Variants in SLC22A5 observed in about 807,000 individuals in gnomAD.
SLC22A5 encodes organic cation/carnitine transporter 2.
SLC22A5 carries 44 observed loss-of-function variants against 56.7 expected under a neutral mutation model. The observed-to-expected ratio is 0.78, with a 90% confidence interval of 0.61 to 1.00. The LOEUF is 1.00. Among genes scored for constraint, SLC22A5 ranks in the 50% least tolerant of loss-of-function variants. SLC22A5 has a pLI of 0.00. For missense variants in SLC22A5, 675 were observed against 723.0 expected (o/e 0.93, Z 0.76); for synonymous variants, 278 against 292.1 (o/e 0.95, Z 0.49).
Position 132,370,063 on chromosome 5 carries a change from C to T in SLC22A5, c.91C>T (p.Pro31Ser). The change falls in exon 1 of 10, where the codon CCC (proline) becomes TCC (serine). Residue 31 changes from proline to serine, a missense_variant. Coordinates refer to ENST00000245407, the MANE Select transcript of SLC22A5 (RefSeq NM_003060.4). ...CTTCCTGCTCAGCGCCAGCATCATC[C>T]CCAATGGCTTCACCGGCCTGTCCTC... is the stretch of plus-strand genomic sequence containing the variant. ...IFFLLSASII[P>S]NGFTGLSSVF... 1.2e-6 allele frequency: 2 copies of T among 1,613,322 alleles called. No homozygotes were observed. Among genetic ancestry groups the T allele is most frequent in the Non-Finnish European group, 1.7e-6 (2 of 1,179,736 alleles).
intron 5 of SLC22A5, 152 bp downstream of exon 5, chr5:132,387,303 A>G (rs1437577932): frequency 4.3e-6 from 3 of 698,252 alleles, no homozygotes; most frequent in African/African-American, 3.4e-5. Flanking sequence ...CCCACTCCCC[A>G]CCCCCACACG....
intron 5 of SLC22A5, among the ~76,000 whole-genome samples, chr5:132,388,632 G>A (rs1382703027): frequency 1.3e-5 from 2 of 152,122 alleles, no homozygotes; most frequent in African/African-American, 4.8e-5. Context: ...AGGAATATGT[G>A]GGGGTGCAGT....
chr5:132,384,423 C>T lies in SLC22A5; in HGVS notation c.652+122C>T, dbSNP rs979159166. The T allele has an allele frequency of 5.9e-5, 62 of 1,056,196 alleles. No individual in the cohort carries two copies. The Admixed American group carries it at 1.1e-3, about 19-fold the overall frequency. 65.4% of individuals were successfully genotyped at this position (1,056,196 alleles called of 1,614,324 possible). ...GGACAGGGTTTCTAACAAAACTAGC[C>T]AGAGCTTCCTGGTGAACCTTACTTA... is the stretch of plus-strand genomic sequence containing the variant. On this transcript the variant is annotated intron_variant, in intron 3 of 9. Coordinates refer to ENST00000245407, the MANE Select transcript of SLC22A5 (RefSeq NM_003060.4).
At chr5:132,375,645 G>A (rs1752116465) in intron 1 of SLC22A5, among the ~76,000 whole-genome samples, 1 of 152,198 alleles carries the variant, frequency 6.6e-6, no homozygotes, top group Non-Finnish European at 1.5e-5. Flanking sequence ...TTATTAAGGT[G>A]TAAATGACAT....
At chr5:132,370,418 G>C in intron 1 of SLC22A5, 53 bp downstream of exon 1, 1 of 1,587,882 alleles carries the variant, frequency 6.3e-7, no homozygotes, top group Non-Finnish European at 8.6e-7. Flanking sequence ...GACCTGTCGC[G>C]GTCCTTGAAC....
intron 4 of SLC22A5, among the ~76,000 whole-genome samples, chr5:132,386,288 C>A (rs988805567): frequency 1.3e-5 from 2 of 149,258 alleles, no homozygotes; most frequent in African/African-American, 5.0e-5. Flanking sequence ...AGTGCAGTGG[C>A]GTGATTTCCA....
rs1181509092 is a variant in SLC22A5, at chr5:132,394,345, C to T, written c.*73C>T. The T allele has an allele frequency of 8.2e-6, 9 of 1,096,610 alleles. No individual in the cohort carries two copies. Among genetic ancestry groups the T allele is most frequent in the South Asian group, 2.5e-5 (2 of 79,508 alleles). 67.9% of individuals were successfully genotyped at this position (1,096,610 alleles called of 1,614,324 possible). ...AGAAATGGCCAGCTTGTGCAGACTC[C>T]GAGTCCTTCAGTGACAAAAGGCCTT... On this transcript the variant is annotated 3_prime_UTR_variant, in exon 10 of 10. Transcript: ENST00000245407.
chr5:132,374,646 A>G (rs1011421086), intron 1 of SLC22A5, among the ~76,000 whole-genome samples: 15 of 152,132 alleles, frequency 9.9e-5, no homozygotes, highest in Non-Finnish European at 1.8e-4. Flanking sequence ...GCACGTACAT[A>G]GTAGACACAT....
At chr5:132,372,695 A>C (rs1751976261) in intron 1 of SLC22A5, among the ~76,000 whole-genome samples, 1 of 152,150 alleles carries the variant, frequency 6.6e-6, no homozygotes, top group South Asian at 2.1e-4. Flanking sequence ...TAATGCTTAG[A>C]TCTTTGTTTT....
intron 2 of SLC22A5, 63 bp from the exon 3 acceptor site, chr5:132,384,084 G>T: frequency 1.3e-6 from 2 of 1,534,114 alleles, no homozygotes; most frequent in African/African-American, 1.4e-5. Flanking sequence ...AGCCCCACTT[G>T]GTGGAGCCCA....
chr5:132,393,836 T>C lies in SLC22A5; in HGVS notation c.1586+25T>C, dbSNP rs755184313. ...GGTAAGAAGACCTCCTCTGTCAGTGTTGATGCACTGGGTCTGGGTCTGGCC... is the reference window on the plus strand; with the variant it reads ...GGTAAGAAGACCTCCTCTGTCAGTGCTGATGCACTGGGTCTGGGTCTGGCC... On this transcript the variant is annotated intron_variant, in intron 9 of 9. Transcript: ENST00000245407. The C allele has an allele frequency of 1.2e-5, 19 of 1,613,770 alleles. No homozygotes were observed. In the South Asian group the frequency reaches 2.1e-4, roughly 18 times the overall value.
chr5:132,393,163 G>A (rs1752766798), intron 8 of SLC22A5, among the ~76,000 whole-genome samples: 1 of 151,976 alleles, frequency 6.6e-6, no homozygotes. Flanking sequence ...CACATCCCTA[G>A]CCAGTACCTC....
At position 132,392,550 on chromosome 5, in the gene SLC22A5, G is replaced by A. The variant is rs2126791535; in HGVS notation, c.1385G>A (p.Gly462Asp). The A allele has an allele frequency of 6.2e-7, 1 of 1,614,182 alleles. No homozygotes were observed. Among genetic ancestry groups the A allele is most frequent in the Non-Finnish European group, 8.5e-7 (1 of 1,180,002 alleles). Residue 462 changes from glycine to aspartate, a missense_variant, in exon 8 of 10, where the codon GGT becomes GAT. Transcript: ENST00000245407. ...ELYPTVVRNM[G>D]VGVSSTASRL... is the part of the protein sequence containing the mutation. ...TATCCCACAGTGGTGAGAAACATGG[G>A]TGTGGGAGTCAGCTCCACAGCATCC...
chr5:132,389,153 G>C, intron 6 of SLC22A5, 132 bp downstream of exon 6: 1 of 689,042 alleles, frequency 1.5e-6, no homozygotes, highest in Non-Finnish European at 2.7e-6. Flanking sequence ...GATATGTCTT[G>C]TGTTAGATGG....
Position 132,387,069 on chromosome 5 carries a change from T to G in SLC22A5, c.869T>G (p.Phe290Cys), listed in dbSNP as rs1050403148. ...CGATGGCTCATCTCTCAGGGACGAT[T>G]TGAAGAGGCAGAGGTGATCATCCGC... ...SPRWLISQGR[F>C]EEAEVIIRKA... Residue 290 changes from phenylalanine to cysteine, a missense_variant, in exon 5 of 10, where the codon TTT becomes TGT. Phe to Cys is a radical substitution (Grantham distance 205). Transcript: ENST00000245407. 9 of 1,614,014 alleles carry G rather than the reference T, an allele frequency of 5.6e-6. No homozygotes were observed. Among genetic ancestry groups the G allele is most frequent in the Non-Finnish European group, 6.8e-6 (8 of 1,179,994 alleles).
rs769158441 is a variant in SLC22A5, at chr5:132,389,006, T to C, written c.1037T>C (p.Met346Thr). ...RTWNIRMVTIMSIMLWMTISV... is the reference protein window; with the variant it reads ...RTWNIRMVTITSIMLWMTISV... The stretch of plus-strand genomic sequence containing the variant: ...TGGAATATCCGGATGGTCACCATCA[T>C]GTCCATAATGCTGTGGTATGTAAAA... The change falls in exon 6 of 10, where the codon ATG becomes ACG. Residue 346 changes from methionine to threonine, a missense_variant. Coordinates refer to ENST00000245407, the MANE Select transcript of SLC22A5 (RefSeq NM_003060.4). 5.6e-6 allele frequency: 9 copies of C among 1,611,650 alleles called. No individual in the cohort carries two copies. The South Asian group carries it at 9.9e-5, about 18-fold the overall frequency.
chr5:132,371,000 G>A (rs1039421029), intron 1 of SLC22A5, among the ~76,000 whole-genome samples: 1 of 142,994 alleles, frequency 7.0e-6, no homozygotes. Context: ...AGGCTGGAGC[G>A]CAGTCGTGTG....
intron 1 of SLC22A5, chr5:132,378,131 C>T (rs915651898): frequency 6.4e-7 from 1 of 1,555,492 alleles, no homozygotes; most frequent in Admixed American, 2.0e-5. Flanking sequence ...AGAACACTTA[C>T]TCTCTGCCTG....
chr5:132,372,374 G>A (rs1467512933), intron 1 of SLC22A5, among the ~76,000 whole-genome samples: 1 of 152,248 alleles, frequency 6.6e-6, no homozygotes. Context: ...TAAAGAAGAG[G>A]GAAGTAGTGA....
Sources: gnomAD v4.1 joint callset for allele counts (sites outside exome capture counted in the v4.1 genomes callset) on GRCh38, gnomAD v4.1.1 for gene constraint, MANE v1.5 for transcripts, NCBI Gene and HGNC (gene_info 2026-07-23, HGNC 2026-07-21) for gene names.